Variants in ARHGAP42 observed in about 807,000 individuals in gnomAD.
ARHGAP42 encodes Rho GTPase activating protein 42.
A neutral mutation model predicts 125.0 loss-of-function variants in ARHGAP42; 63 were observed. The ratio of observed to expected loss-of-function variants is 0.50; its 90% CI spans 0.41 to 0.62. ARHGAP42 has a LOEUF of 0.62. Among genes scored for constraint, ARHGAP42 ranks in the 20% least tolerant of loss-of-function variants. The pLI, the probability that ARHGAP42 is intolerant of heterozygous loss-of-function variation, is 0.00. For missense variants in ARHGAP42, 766 were observed against 1,024.2 expected (o/e 0.75, Z 3.44); for synonymous variants, 339 against 351.0 (o/e 0.97, Z 0.38).
intron 8 of ARHGAP42, among the ~76,000 whole-genome samples, chr11:100,940,540 G>A (rs1425551874): frequency 6.6e-6 from 1 of 152,120 alleles, no homozygotes; most frequent in Non-Finnish European, 1.5e-5. Flanking sequence ...ATTCCCTAAG[G>A]AGAATACTGG....
chr11:100,784,712 T>C lies in ARHGAP42; in HGVS notation c.251-10393T>C, dbSNP rs78499253. On this transcript the variant is annotated intron_variant, in intron 2 of 23. Transcript: ENST00000298815. ...TAAATTTCCTGTAGGTAATTTGATG[T>C]GTTAAATTTAGGATGAATGGATGGT... is the stretch of plus-strand genomic sequence containing the variant. 4.1e-4 allele frequency among the ~76,000 whole-genome samples: 63 copies of C among 152,228 alleles called. 1 individual carries two copies. In the East Asian group the frequency reaches 0.011, roughly 28 times the overall value.
intron 12 of ARHGAP42, among the ~76,000 whole-genome samples, chr11:100,954,132 G>A (rs1857739234): frequency 6.6e-6 from 1 of 152,040 alleles, no homozygotes; most frequent in African/African-American, 2.4e-5. Context: ...CTCAATTGGT[G>A]CCCTGAGCCT....
intron 3 of ARHGAP42, among the ~76,000 whole-genome samples, chr11:100,852,781 T>A (rs1226334882): frequency 6.6e-6 from 1 of 152,180 alleles, no homozygotes; most frequent in Admixed American, 6.5e-5. Context: ...CCATCTTCTA[T>A]AGTACTAACA....
chr11:100,783,876 G>A (rs1333459664), intron 2 of ARHGAP42, among the ~76,000 whole-genome samples: 1 of 152,112 alleles, frequency 6.6e-6, no homozygotes, highest in African/African-American at 2.4e-5. Flanking sequence ...GAACCTCCTG[G>A]TTCATGCAAA....
At chr11:100,974,848 A>G (rs1416154805) in intron 19 of ARHGAP42, among the ~76,000 whole-genome samples, 1 of 152,152 alleles carries the variant, frequency 6.6e-6, no homozygotes, top group Non-Finnish European at 1.5e-5. Context: ...TGCAACTGTG[A>G]TTAAGTACAT....
At chr11:100,847,373 G>T (rs530428947) in intron 3 of ARHGAP42, among the ~76,000 whole-genome samples, 296 of 152,246 alleles carry the variant, frequency 1.9e-3, no homozygotes, top group Non-Finnish European at 3.7e-3. Flanking sequence ...TCTGCCATGC[G>T]CATGGTAGAA....
At chr11:100,699,813 A>G (rs543153013) in intron 1 of ARHGAP42, among the ~76,000 whole-genome samples, 2 of 152,116 alleles carry the variant, frequency 1.3e-5, no homozygotes, top group South Asian at 4.2e-4. Context: ...ATGAGCCACC[A>G]CGCTTGGTGA....
At chr11:100,880,460 T>C (rs1865933284) in intron 4 of ARHGAP42, among the ~76,000 whole-genome samples, 1 of 152,048 alleles carries the variant, frequency 6.6e-6, no homozygotes, top group South Asian at 2.1e-4. Context: ...TAGTATTCCA[T>C]TGTATATATA....
chr11:100,983,375 T>C (rs1026060648), intron 22 of ARHGAP42, among the ~76,000 whole-genome samples: 1 of 152,184 alleles, frequency 6.6e-6, no homozygotes, highest in Non-Finnish European at 1.5e-5. Flanking sequence ...TAATACAAAA[T>C]AAATGAATTG....
chr11:100,689,813 C>T (rs551068902), intron 1 of ARHGAP42, among the ~76,000 whole-genome samples: 24 of 152,326 alleles, frequency 1.6e-4, no homozygotes, highest in Non-Finnish European at 3.1e-4. Context: ...TAAAAGGATT[C>T]CTAACAGCAG....
chr11:100,839,007 C>T (rs966135405), intron 3 of ARHGAP42, among the ~76,000 whole-genome samples: 13 of 151,992 alleles, frequency 8.6e-5, no homozygotes, highest in Non-Finnish European at 1.6e-4. Flanking sequence ...AAGGGCCATC[C>T]GTGTATTATA....
chr11:100,887,958 C>T (rs1184944838), intron 4 of ARHGAP42, among the ~76,000 whole-genome samples: 1 of 152,236 alleles, frequency 6.6e-6, no homozygotes, highest in South Asian at 2.1e-4. Context: ...ATCTCTACCT[C>T]TATCCAATCC....
intron 16 of ARHGAP42, 106 bp from the exon 17 acceptor site, chr11:100,965,565 G>A: frequency 1.1e-6 from 1 of 910,340 alleles, no homozygotes; most frequent in African/African-American, 1.7e-5. Flanking sequence ...CAATGCCTAT[G>A]AGGCATGAGG....
chr11:100,768,315 G>GAA (rs140748271), intron 1 of ARHGAP42, among the ~76,000 whole-genome samples: 39,402 of 151,840 alleles, frequency 0.26, 5,329 homozygotes, highest in Non-Finnish European at 0.3. Flanking sequence ...AAATGACTAA[G>GAA]GAGACATCGA....
At chr11:100,872,942 A>C (rs1337230051) in intron 4 of ARHGAP42, among the ~76,000 whole-genome samples, 1 of 152,214 alleles carries the variant, frequency 6.6e-6, no homozygotes, top group Non-Finnish European at 1.5e-5. Context: ...CCAGAGAAAT[A>C]AATAATTATA....
intron 1 of ARHGAP42, among the ~76,000 whole-genome samples, chr11:100,733,994 G>T (rs1444368527): frequency 4.1e-5 from 6 of 146,706 alleles, no homozygotes; most frequent in Non-Finnish European, 8.9e-5. Context: ...GAGTGCAGTG[G>T]CACAATCTCG....
Position 100,933,274 on chromosome 11 carries a change from T to G in ARHGAP42, c.702+14T>G. The G allele has an allele frequency of 6.7e-7, 1 of 1,497,956 alleles. No homozygotes were observed. Among genetic ancestry groups the G allele is most frequent in the Non-Finnish European group, 9.0e-7 (1 of 1,109,714 alleles). 92.8% of individuals were successfully genotyped at this position (1,497,956 alleles called of 1,614,324 possible). A position where few individuals can be genotyped will look rare whatever the true frequency, so the allele number is the denominator to read the frequency against. On this transcript the variant is annotated intron_variant, in intron 7 of 23. Coordinates refer to ENST00000298815, the MANE Select transcript of ARHGAP42 (RefSeq NM_152432.4). ...AACTTGCAGAATGTAAGAGTATACC[T>G]GTTCTTACTGTCTCTCAGCAAATCT...
intron 1 of ARHGAP42, 114 bp downstream of exon 1, chr11:100,687,946 GA>G: frequency 1.6e-6 from 2 of 1,238,766 alleles, no homozygotes; most frequent in Non-Finnish European, 2.2e-6. Context: ...TGGATTTGGG[GA>G]CAAAAGCTGA....
intron 2 of ARHGAP42, among the ~76,000 whole-genome samples, 188 bp downstream of exon 2, chr11:100,770,626 G>A (rs1401240688): frequency 2.6e-5 from 4 of 152,146 alleles, no homozygotes; most frequent in Non-Finnish European, 2.9e-5. Context: ...CACCCAGGCT[G>A]GAGTGCAGTG....
Sources: gnomAD v4.1 joint callset for allele counts (sites outside exome capture counted in the v4.1 genomes callset) on GRCh38, gnomAD v4.1.1 for gene constraint, MANE v1.5 for transcripts, NCBI Gene and HGNC (gene_info 2026-07-23, HGNC 2026-07-21) for gene names.